PARD3: variants seen among roughly 807,000 people sequenced by gnomAD.
The protein encoded by PARD3 is partitioning defective 3 homolog.
PARD3 carries 75 observed loss-of-function variants against 155.4 expected under a neutral mutation model. The ratio of observed to expected loss-of-function variants is 0.48; its 90% CI spans 0.40 to 0.58. The LOEUF is 0.58. PARD3 is among the 20% of genes least tolerant of loss of function. The pLI is 0.00. For missense variants in PARD3, 1,642 were observed against 1,721.7 expected (o/e 0.95, Z 0.82); for synonymous variants, 576 against 610.5 (o/e 0.94, Z 0.83).
At chr10:34,561,856 T>A (rs1396536060) in intron 2 of PARD3, among the ~76,000 whole-genome samples, 1 of 151,012 alleles carries the variant, frequency 6.6e-6, no homozygotes, top group African/African-American at 2.4e-5. Context: ...CTCAGCCCAG[T>A]ATGGTGGGCT....
intron 22 of PARD3, among the ~76,000 whole-genome samples, chr10:34,179,782 C>A (rs920252824): frequency 1.6e-4 from 24 of 152,108 alleles, no homozygotes; most frequent in Admixed American, 1.5e-3. Flanking sequence ...CAATATACAC[C>A]AAACTGAACC....
chr10:34,525,794 A>T (rs188399727), intron 2 of PARD3, among the ~76,000 whole-genome samples: 3 of 152,162 alleles, frequency 2.0e-5, no homozygotes, highest in Admixed American at 6.5e-5. Context: ...TTTATTAATC[A>T]AAAGTCCACC....
At chr10:34,596,188 T>C (rs954200034) in intron 2 of PARD3, among the ~76,000 whole-genome samples, 7 of 152,124 alleles carry the variant, frequency 4.6e-5, no homozygotes, top group Non-Finnish European at 7.3e-5. Context: ...GAAATAACTT[T>C]GGGAGCACTC....
chr10:34,361,074 C>T (rs1446941041), intron 12 of PARD3, among the ~76,000 whole-genome samples: 1 of 152,164 alleles, frequency 6.6e-6, no homozygotes, highest in African/African-American at 2.4e-5. Context: ...TTAAGAAAGC[C>T]TACACTCCAG....
chr10:34,535,584 T>A (rs2083167504), intron 2 of PARD3, among the ~76,000 whole-genome samples: 1 of 152,178 alleles, frequency 6.6e-6, no homozygotes, highest in Non-Finnish European at 1.5e-5. Flanking sequence ...TCTCCCAGGC[T>A]CAAGTGATTC....
chr10:34,360,141 C>CGGTT lies in PARD3; in HGVS notation c.1822_1825dup (p.Arg609GlnfsTer19). On this transcript the variant is annotated frameshift_variant, in exon 13 of 25. Transcript: ENST00000374788. LOFTEE classifies it high-confidence loss of function. ...CAAATCTGCGTGGTTCTCTTTTGAC[C>CGGTT]GGTTACCTTTGACACTGACACCAAG... The CGGTT allele has an allele frequency of 6.2e-7, 1 of 1,613,996 alleles. No individual in the cohort carries two copies. The highest frequency in any genetic ancestry group is 8.5e-7 in the Non-Finnish European group (1 of 1,179,908).
intron 12 of PARD3, among the ~76,000 whole-genome samples, chr10:34,365,249 G>C (rs1261935428): frequency 6.6e-6 from 1 of 152,046 alleles, no homozygotes; most frequent in African/African-American, 2.4e-5. Flanking sequence ...AAATTGACAT[G>C]TATGAAAGTC....
intron 1 of PARD3, among the ~76,000 whole-genome samples, chr10:34,724,091 G>C (rs189860811): frequency 6.6e-6 from 1 of 152,192 alleles, no homozygotes; most frequent in East Asian, 1.9e-4. Flanking sequence ...TGGAAACTTC[G>C]TATGGAGCAC....
At chr10:34,145,221 A>ATTTTTTTTTTTTTT (rs57442429) in intron 22 of PARD3, among the ~76,000 whole-genome samples, 1 of 33,970 alleles carries the variant, frequency 2.9e-5, no homozygotes, top group Non-Finnish European at 5.0e-5. Context: ...ATATATATAT[A>ATTTTTTTTTTTTTT]TTTTTTTTTT....
chr10:34,472,600 G>A (rs2078426428), intron 3 of PARD3, among the ~76,000 whole-genome samples: 1 of 152,124 alleles, frequency 6.6e-6, no homozygotes, highest in Non-Finnish European at 1.5e-5. Context: ...TTATTCAGTT[G>A]TTAGGTACCT....
At chr10:34,518,686 C>T (rs1434160166) in intron 2 of PARD3, among the ~76,000 whole-genome samples, 1 of 152,080 alleles carries the variant, frequency 6.6e-6, no homozygotes, top group Non-Finnish European at 1.5e-5. Context: ...CTGTAGCATT[C>T]CAAATAATAA....
At chr10:34,470,033 C>T in intron 4 of PARD3, 52 bp downstream of exon 4, 1 of 1,450,054 alleles carries the variant, frequency 6.9e-7, no homozygotes. Flanking sequence ...ATCACGGACA[C>T]CAAGAAGTCA....
intron 22 of PARD3, among the ~76,000 whole-genome samples, chr10:34,171,779 G>A (rs1056347175): frequency 3.8e-4 from 58 of 151,520 alleles, no homozygotes; most frequent in African/African-American, 1.1e-3. Context: ...GTGAAATCCC[G>A]TTTCTACTAA....
chr10:34,707,967 G>T (rs1171302163), intron 1 of PARD3, among the ~76,000 whole-genome samples: 1 of 152,088 alleles, frequency 6.6e-6, no homozygotes, highest in Non-Finnish European at 1.5e-5. Flanking sequence ...TACCCATTTG[G>T]GAATTACTTA....
chr10:34,657,832 C>T (rs1370409000), intron 2 of PARD3, among the ~76,000 whole-genome samples: 1 of 151,786 alleles, frequency 6.6e-6, no homozygotes, highest in South Asian at 2.1e-4. Flanking sequence ...AGCCACCACA[C>T]CTAGCCACTT....
At chr10:34,228,732 A>C (rs1952756044) in intron 22 of PARD3, among the ~76,000 whole-genome samples, 1 of 152,078 alleles carries the variant, frequency 6.6e-6, no homozygotes, top group Admixed American at 6.5e-5. Flanking sequence ...GCAGCACAGG[A>C]GCTGAATCGT....
At position 34,615,969 on chromosome 10, in the gene PARD3, G is replaced by C. The variant is rs80356356; in HGVS notation, c.222+80349C>G. ...GATGCTGGTGAGGATGTGGAGAAAGGAGAACTCTTCTTGTGCACCCCTGGT... is the reference window on the plus strand; with the variant it reads ...GATGCTGGTGAGGATGTGGAGAAAGCAGAACTCTTCTTGTGCACCCCTGGT... On this transcript the variant is annotated intron_variant, in intron 2 of 24. Coordinates refer to ENST00000374788, the MANE Select transcript of PARD3 (RefSeq NM_001184785.2). Among the ~76,000 whole-genome samples the C allele has an allele frequency of 1.3e-3, 197 of 152,290 alleles. 1 individual carries two copies. Among genetic ancestry groups the C allele is most frequent in the African/African-American group, 4.4e-3 (182 of 41,566 alleles).
At position 34,196,568 on chromosome 10, in the gene PARD3, C is replaced by CTTTTTTTTT. The variant is rs71523319; in HGVS notation, c.3420-64994_3420-64986dup. Among the ~76,000 whole-genome samples the CTTTTTTTTT allele has an allele frequency of 4.5e-4, 44 of 97,408 alleles. 1 individual carries two copies. Among genetic ancestry groups the CTTTTTTTTT allele is most frequent in the African/African-American group, 1.7e-3 (40 of 22,962 alleles). 63.9% of individuals were successfully genotyped at this position (97,408 alleles called of 152,430 possible). ...AGTTACAAATACTTTGTACCCTTTT[C>CTTTTTTTTT]TTTTTTTTTTTTTTTTTTTTTTTGA... On this transcript the variant is annotated intron_variant, in intron 22 of 24. Transcript: ENST00000374788.
intron 2 of PARD3, among the ~76,000 whole-genome samples, chr10:34,596,951 T>C (rs910887150): frequency 6.6e-6 from 1 of 152,204 alleles, no homozygotes; most frequent in African/African-American, 2.4e-5. Context: ...GACTTAAATA[T>C]AGCGAGTGGA....
Sources: allele counts gnomAD v4.1 joint callset (sites outside exome capture counted in the v4.1 genomes callset), GRCh38; gene constraint gnomAD v4.1.1; transcripts MANE v1.5; gene names NCBI Gene and HGNC (gene_info 2026-07-23, HGNC 2026-07-21).